Variants in EEFSEC observed in about 807,000 individuals in gnomAD.
EEFSEC encodes the protein eukaryotic elongation factor, selenocysteine-tRNA specific.
In EEFSEC, 43 loss-of-function variants were observed where a neutral mutation model predicts 42.1. The ratio of observed to expected loss-of-function variants is 1.02; its 90% CI spans 0.80 to 1.32. The LOEUF is 1.32. Ranked by LOEUF, EEFSEC falls within the 40% of genes most tolerant of loss-of-function variation. EEFSEC has a pLI of 0.00. For synonymous variants in EEFSEC, 354 were observed against 339.1 expected, an observed-to-expected ratio of 1.04 and a Z score of -0.48; for missense variants, 745 against 803.6, an observed-to-expected ratio of 0.93 and a Z score of 0.88.
intron 6 of EEFSEC, among the ~76,000 whole-genome samples, chr3:128,375,080 C>G (rs2067694108): frequency 6.6e-6 from 1 of 152,192 alleles, no homozygotes; most frequent in African/African-American, 2.4e-5. Flanking sequence ...CTGCAGTTTC[C>G]TTGTCCTATA....
chr3:128,294,629 T>C (rs1423026831), intron 4 of EEFSEC, among the ~76,000 whole-genome samples: 3 of 152,052 alleles, frequency 2.0e-5, no homozygotes, highest in Non-Finnish European at 4.4e-5. Context: ...ACCTGTACAC[T>C]GGGGGCACTT....
At chr3:128,379,229 C>A (rs2067745247) in intron 6 of EEFSEC, among the ~76,000 whole-genome samples, 1 of 152,192 alleles carries the variant, frequency 6.6e-6, no homozygotes, top group Admixed American at 6.5e-5. Context: ...CGGAGGAGCA[C>A]CTTTACCAAG....
At chr3:128,388,681 C>T (rs1559953705) in intron 6 of EEFSEC, among the ~76,000 whole-genome samples, 2 of 152,262 alleles carry the variant, frequency 1.3e-5, no homozygotes, top group African/African-American at 2.4e-5. Flanking sequence ...TTTGCCTCTT[C>T]GAGGCCTTCT....
intron 4 of EEFSEC, among the ~76,000 whole-genome samples, chr3:128,278,892 T>C (rs2066495279): frequency 6.6e-6 from 1 of 152,198 alleles, no homozygotes; most frequent in African/African-American, 2.4e-5. Context: ...GCCCACCCCC[T>C]TGCAGCCTCC....
intron 6 of EEFSEC, among the ~76,000 whole-genome samples, chr3:128,371,353 A>G (rs143055000): frequency 5.3e-4 from 80 of 152,272 alleles, no homozygotes; most frequent in African/African-American, 8.9e-4. Flanking sequence ...GGGCTGGACC[A>G]TCCTCTACTG....
At chr3:128,226,449 G>T (rs2065908118) in intron 1 of EEFSEC, among the ~76,000 whole-genome samples, 1 of 152,110 alleles carries the variant, frequency 6.6e-6, no homozygotes, top group Non-Finnish European at 1.5e-5. Flanking sequence ...AACAAAGCTC[G>T]AGGTGATCTG....
chr3:128,373,138 A>G (rs1372832605), intron 6 of EEFSEC, among the ~76,000 whole-genome samples: 1 of 152,208 alleles, frequency 6.6e-6, no homozygotes, highest in Non-Finnish European at 1.5e-5. Context: ...GACTTGCACG[A>G]GGTCGCACAG....
intron 5 of EEFSEC, among the ~76,000 whole-genome samples, chr3:128,354,554 C>T (rs1336165170): frequency 6.6e-6 from 1 of 152,174 alleles, no homozygotes; most frequent in Non-Finnish European, 1.5e-5. Context: ...TCTGGGAGCC[C>T]TCAGCTTCCC....
intron 4 of EEFSEC, among the ~76,000 whole-genome samples, chr3:128,318,825 C>T (rs1317280099): frequency 6.6e-6 from 1 of 151,932 alleles, no homozygotes; most frequent in African/African-American, 2.4e-5. Flanking sequence ...GCGGTTGATG[C>T]CTGGCTTCGC....
rs183782367 is a variant in EEFSEC at position 128,350,353 on chromosome 3, C to T, written c.1444-7864C>T. Among the ~76,000 whole-genome samples, 16 of 152,310 alleles carry T rather than the reference C, an allele frequency of 1.1e-4. No individual in the cohort carries two copies. In the East Asian group the frequency reaches 2.9e-3, roughly 28 times the overall value. On this transcript the variant is annotated intron_variant, in intron 5 of 6. Coordinates refer to ENST00000254730, the MANE Select transcript of EEFSEC (RefSeq NM_021937.5). Reference sequence around the variant, plus strand: ...GCGGGTCAGCTGCAGGGCCCCTCGCCCTTGCAGGAAGCCATGCTGTGGTCT... The same window carrying T: ...GCGGGTCAGCTGCAGGGCCCCTCGCTCTTGCAGGAAGCCATGCTGTGGTCT...
At chr3:128,219,324 C>A (rs993055440) in intron 1 of EEFSEC, among the ~76,000 whole-genome samples, 3 of 152,324 alleles carry the variant, frequency 2.0e-5, no homozygotes, top group East Asian at 3.9e-4. Flanking sequence ...ATCACTCCCC[C>A]ACTTGAAAAA....
At chr3:128,326,449 A>G (rs2067064449) in intron 4 of EEFSEC, among the ~76,000 whole-genome samples, 1 of 152,126 alleles carries the variant, frequency 6.6e-6, no homozygotes, top group South Asian at 2.1e-4. Flanking sequence ...ATCCTGGGCC[A>G]GTTACCTCAG....
At chr3:128,421,384 C>T in the EEFSEC span, among the ~76,000 whole-genome samples, 4 of 152,202 alleles carry the variant, frequency 2.6e-5, no homozygotes, top group African/African-American at 9.6e-5. Flanking sequence ...GCGGCACCTC[C>T]GTCTGCAGTC....
intron 6 of EEFSEC, among the ~76,000 whole-genome samples, chr3:128,373,959 C>G (rs2067682084): frequency 6.6e-6 from 1 of 152,206 alleles, no homozygotes. Flanking sequence ...GTCACTTGGC[C>G]AGGCTGGGAA....
chr3:128,388,215 T>C (rs945490401), intron 6 of EEFSEC, among the ~76,000 whole-genome samples: 1 of 152,204 alleles, frequency 6.6e-6, no homozygotes, highest in Non-Finnish European at 1.5e-5. Flanking sequence ...GTCGCCTTCC[T>C]TGGGGACAGC....
At chr3:128,204,238 C>T (rs1336652396) in intron 1 of EEFSEC, among the ~76,000 whole-genome samples, 2 of 152,190 alleles carry the variant, frequency 1.3e-5, no homozygotes, top group African/African-American at 2.4e-5. Context: ...CCACTTTTTA[C>T]CTCAGCTTCT....
At chr3:128,213,651 C>T (rs1011352115) in intron 1 of EEFSEC, among the ~76,000 whole-genome samples, 5 of 151,832 alleles carry the variant, frequency 3.3e-5, no homozygotes, top group African/African-American at 1.2e-4. Flanking sequence ...TCATGTCTCA[C>T]GGGGAGTGCC....
At chr3:128,273,052 G>A (rs553038699) in intron 4 of EEFSEC, among the ~76,000 whole-genome samples, 20 of 152,218 alleles carry the variant, frequency 1.3e-4, no homozygotes, top group Non-Finnish European at 2.6e-4. Flanking sequence ...TAGCGTGCTT[G>A]CAGCAGGGCT....
chr3:128,251,998 A>G, intron 2 of EEFSEC, among the ~76,000 whole-genome samples: 1 of 152,188 alleles, frequency 6.6e-6, no homozygotes, highest in East Asian at 1.9e-4. Context: ...AATTTGAGGT[A>G]GTTGTTATCA....
Sources: allele counts gnomAD v4.1 joint callset (sites outside exome capture counted in the v4.1 genomes callset), GRCh38; gene constraint gnomAD v4.1.1; transcripts MANE v1.5; gene names NCBI Gene and HGNC (gene_info 2026-07-23, HGNC 2026-07-21).